The following TRDN variants were observed in gnomAD, a reference collection of about 807,000 sequenced individuals.
TRDN encodes the protein triadin, also known as triadin in skeletal muscle.
A neutral mutation model predicts 149.7 loss-of-function variants in TRDN; 161 were observed. The ratio of observed to expected loss-of-function variants is 1.08; its 90% CI spans 0.95 to 1.23. The LOEUF is 1.23. Among genes scored for constraint, TRDN ranks in the 50% most tolerant of loss-of-function variants. The pLI is 0.00. For synonymous variants in TRDN, 294 were observed against 250.5 expected (o/e 1.17, Z -1.64); for missense variants, 896 against 823.5 (o/e 1.09, Z -1.08).
intron 12 of TRDN, chr6:123,429,090 A>T (rs993153318): frequency 3.3e-5 from 5 of 152,154 alleles, no homozygotes; most frequent in African/African-American, 1.2e-4. Context: ...GAGGGAGGAA[A>T]AAAAAAGACA....
chr6:123,353,480 AG>A (rs913274770), intron 20 of TRDN, among the ~76,000 whole-genome samples: 31 of 152,006 alleles, frequency 2.0e-4, no homozygotes, highest in Admixed American at 6.6e-4. Context: ...ATTATTTCCA[AG>A]GTATCCAACT....
chr6:123,575,352 G>A (rs899193597), intron 1 of TRDN, among the ~76,000 whole-genome samples: 3 of 152,026 alleles, frequency 2.0e-5, no homozygotes, highest in Non-Finnish European at 2.9e-5. Flanking sequence ...AAAATTGAGA[G>A]GGAATAAATT....
intron 9 of TRDN, among the ~76,000 whole-genome samples, chr6:123,487,955 A>G (rs1294552496): frequency 6.6e-6 from 1 of 152,128 alleles, no homozygotes. Context: ...TCTAATGCCT[A>G]AGTCTAAACT....
intron 38 of TRDN, among the ~76,000 whole-genome samples, chr6:123,245,357 T>C (rs1170643237): frequency 6.6e-6 from 1 of 151,798 alleles, no homozygotes; most frequent in African/African-American, 2.4e-5. Context: ...ACGTCACACA[T>C]GCAAATACAC....
intron 2 of TRDN, among the ~76,000 whole-genome samples, chr6:123,557,782 C>T (rs1781755742): frequency 6.6e-6 from 1 of 151,840 alleles, no homozygotes; most frequent in African/African-American, 2.4e-5. Flanking sequence ...TACCCCTTCT[C>T]CACTTTCCTG....
chr6:123,374,138 T>A (rs1199133433), intron 19 of TRDN, among the ~76,000 whole-genome samples: 1 of 152,210 alleles, frequency 6.6e-6, no homozygotes, highest in Non-Finnish European at 1.5e-5. Context: ...TTAACTCTTA[T>A]GAAACTTATA....
chr6:123,258,730 C>G (rs954227162), intron 35 of TRDN, among the ~76,000 whole-genome samples: 10 of 152,198 alleles, frequency 6.6e-5, no homozygotes, highest in African/African-American at 2.4e-4. Context: ...CCTCTTTGTA[C>G]CTCTGGTAGA....
intron 20 of TRDN, among the ~76,000 whole-genome samples, chr6:123,358,517 T>C (rs1419217684): frequency 6.6e-6 from 1 of 151,084 alleles, no homozygotes; most frequent in Admixed American, 6.6e-5. Flanking sequence ...CAGGCTGGAG[T>C]GTAATGGTGC....
chr6:123,319,375 A>G (rs943893082), intron 23 of TRDN, among the ~76,000 whole-genome samples: 3 of 152,002 alleles, frequency 2.0e-5, no homozygotes, highest in Non-Finnish European at 4.4e-5. Context: ...TGTAGATGAT[A>G]TTTCTACTGA....
rs1229339744 is a variant in TRDN at position 123,316,548 on chromosome 6, A to G, written c.1472-53T>C. On this transcript the variant is annotated intron_variant, in intron 23 of 40. Coordinates refer to ENST00000334268, the MANE Select transcript of TRDN (RefSeq NM_006073.4). ...TACAAACAAAAGGGAAAAAAATAAC[A>G]TTTGAAAAATAGTCAGTACAAAGTG... 5.8e-6 allele frequency: 9 copies of G among 1,539,620 alleles called. No homozygotes were observed. The East Asian group carries it at 1.6e-4, about 27-fold the overall frequency.
intron 1 of TRDN, among the ~76,000 whole-genome samples, chr6:123,619,377 G>A (rs1327154290): frequency 6.6e-6 from 1 of 152,140 alleles, no homozygotes; most frequent in Admixed American, 6.6e-5. Flanking sequence ...GGTGCTGGCT[G>A]TTGGCTGGAA....
intron 1 of TRDN, among the ~76,000 whole-genome samples, chr6:123,633,298 T>C (rs114836179): frequency 0.033 from 5,010 of 152,108 alleles, 280 homozygotes; most frequent in African/African-American, 0.11. Context: ...TCAACCTACC[T>C]AAATGTAACA....
chr6:123,631,054 C>T (rs1313575921), intron 1 of TRDN, among the ~76,000 whole-genome samples: 1 of 151,664 alleles, frequency 6.6e-6, no homozygotes. Flanking sequence ...TTTCTCCCAG[C>T]TCTGCACTAT....
At chr6:123,398,583 AG>A (rs1772832136) in intron 12 of TRDN, among the ~76,000 whole-genome samples, 1 of 152,242 alleles carries the variant, frequency 6.6e-6, no homozygotes, top group African/African-American at 2.4e-5. Context: ...AGATATAGAT[AG>A]TACCAAAATA....
At chr6:123,474,593 A>G (rs537192105) in intron 9 of TRDN, among the ~76,000 whole-genome samples, 111 of 152,020 alleles carry the variant, frequency 7.3e-4, no homozygotes, top group Middle Eastern at 3.4e-3. Context: ...CATCTAAAGA[A>G]CTCTCCACCC....
At chr6:123,246,469 A>AAGATTT (rs1776185739) in intron 38 of TRDN, among the ~76,000 whole-genome samples, 1 of 152,188 alleles carries the variant, frequency 6.6e-6, no homozygotes, top group African/African-American at 2.4e-5. Flanking sequence ...ATGCAAATAA[A>AAGATTT]CTATGAAATC....
chr6:123,539,240 A>G (rs1432074018), intron 4 of TRDN, among the ~76,000 whole-genome samples: 1 of 152,236 alleles, frequency 6.6e-6, no homozygotes, highest in African/African-American at 2.4e-5. Flanking sequence ...TTTAATGTGC[A>G]TAAGAGTCAT....
chr6:123,283,590 A>G (rs1777682389), intron 24 of TRDN, among the ~76,000 whole-genome samples: 1 of 151,786 alleles, frequency 6.6e-6, no homozygotes, highest in Admixed American at 6.6e-5. Flanking sequence ...GATCCAAATA[A>G]GCTCAATTAG....
intron 12 of TRDN, among the ~76,000 whole-genome samples, chr6:123,409,353 A>G (rs1426578654): frequency 6.6e-6 from 1 of 152,208 alleles, no homozygotes; most frequent in Non-Finnish European, 1.5e-5. Flanking sequence ...AGCAATATGG[A>G]TTAGTGAAAA....
Sources: gnomAD v4.1 joint callset for allele counts (sites outside exome capture counted in the v4.1 genomes callset) on GRCh38, gnomAD v4.1.1 for gene constraint, MANE v1.5 for transcripts, NCBI Gene and HGNC (gene_info 2026-07-23, HGNC 2026-07-21) for gene names.